Variants in IBTK observed in about 807,000 individuals in gnomAD.
IBTK encodes BTK-binding protein.
Under a neutral mutation model 154.9 loss-of-function variants are expected in IBTK, and 83 were observed. The ratio of observed to expected loss-of-function variants is 0.54; its 90% CI spans 0.45 to 0.64. The LOEUF (loss-of-function observed/expected upper bound fraction) is 0.64. Ranked by LOEUF, IBTK falls within the 30% of genes least tolerant of loss-of-function variation. The pLI is 0.00. For synonymous variants in IBTK, 515 were observed against 536.1 expected (o/e 0.96, Z 0.54); for missense variants, 1,332 against 1,584.6 (o/e 0.84, Z 2.71).
intron 27 of IBTK, 79 bp from the exon 28 acceptor site, chr6:82,172,591 C>T: frequency 2.3e-6 from 3 of 1,298,628 alleles, no homozygotes; most frequent in East Asian, 2.5e-5. Context: ...TACTTTTTAG[C>T]AATGCTACAA....
In IBTK at chr6:82,201,411, A is replaced by C. The variant is rs1562085048; in HGVS notation, c.2790+11T>G. 1.9e-6 allele frequency: 3 copies of C among 1,600,370 alleles called. No homozygotes were observed. The highest frequency in any genetic ancestry group is 2.6e-6 in the Non-Finnish European group (3 of 1,170,662). On this transcript the variant is annotated intron_variant, in intron 19 of 28. Coordinates refer to ENST00000306270, the MANE Select transcript of IBTK (RefSeq NM_015525.4). ...ATTATAGCCGCGAAAATCTTAAAAC[A>C]TAAACCTTACCATTTTCCGGTAAAA...
chr6:82,238,981 G>A (rs763463938), intron 2 of IBTK, among the ~76,000 whole-genome samples: 34 of 150,826 alleles, frequency 2.3e-4, no homozygotes, highest in Middle Eastern at 3.6e-3. Flanking sequence ...TCAAGTGATC[G>A]GCCCACCTCG....
chr6:82,231,256 A>C, intron 4 of IBTK, among the ~76,000 whole-genome samples: 1 of 152,172 alleles, frequency 6.6e-6, no homozygotes, highest in East Asian at 1.9e-4. Context: ...TTGTTACAAA[A>C]AATTGCAAGA....
intron 22 of IBTK, 54 bp downstream of exon 22, chr6:82,196,244 C>A: frequency 7.4e-7 from 1 of 1,352,452 alleles, no homozygotes; most frequent in Non-Finnish European, 9.9e-7. Flanking sequence ...TAAAGATAAA[C>A]CATCTATAAA....
intron 6 of IBTK, among the ~76,000 whole-genome samples, chr6:82,224,466 C>G (rs887401883): frequency 6.6e-5 from 10 of 152,136 alleles, no homozygotes; most frequent in Admixed American, 6.5e-4. Context: ...AGCTATTTTT[C>G]TTTTTCTAAC....
rs780105932 is a variant in IBTK, at chr6:82,231,861, T to G, written c.419-19A>C. The G allele has an allele frequency of 4.3e-6, 6 of 1,386,174 alleles. No homozygotes were observed. In the South Asian group the frequency reaches 8.0e-5, roughly 19 times the overall value. The allele number at this position is 1,386,174 out of a possible 1,614,324, so 85.9% of individuals were successfully genotyped here. On this transcript the variant is annotated intron_variant, in intron 3 of 28. Transcript: ENST00000306270. ...GTAGGATCTAAAATAAAAATTAGTT[T>G]TTATACTTTTTTATATTTTAAAACA...
chr6:82,218,182 T>C, intron 9 of IBTK, 45 bp from the exon 10 acceptor site: 1 of 1,382,252 alleles, frequency 7.2e-7, no homozygotes, highest in Non-Finnish European at 9.6e-7. Context: ...CAAGTAGCAT[T>C]TGAACAACCA....
chr6:82,174,837 T>A, intron 26 of IBTK: 1 of 383,332 alleles, frequency 2.6e-6, no homozygotes, highest in Non-Finnish European at 5.1e-6. Flanking sequence ...AGCAGAGAGA[T>A]AACAAAAATC....
chr6:82,220,787 G>A, intron 8 of IBTK, 74 bp from the exon 9 acceptor site: 1 of 1,189,644 alleles, frequency 8.4e-7, no homozygotes, highest in Non-Finnish European at 1.1e-6. Context: ...AAAGAAGTTA[G>A]TATTCAAACA....
intron 1 of IBTK, 94 bp from the exon 2 acceptor site, chr6:82,240,937 C>T: frequency 2.5e-6 from 1 of 398,362 alleles, no homozygotes; most frequent in Non-Finnish European, 4.4e-6. Flanking sequence ...TATTTAGATG[C>T]CCTTAACCCA....
At chr6:82,195,050 A>C (rs2127804893) in intron 22 of IBTK, among the ~76,000 whole-genome samples, 1 of 152,316 alleles carries the variant, frequency 6.6e-6, no homozygotes, top group East Asian at 1.9e-4. Context: ...AGTACTGTGA[A>C]TAAAATTAAA....
At position 82,247,718 on chromosome 6, in the gene IBTK, G is replaced by T. The variant is rs1031937748; in HGVS notation, c.-514C>A. 7.3e-5 allele frequency: 29 copies of T among 398,194 alleles called. No homozygotes were observed. In the East Asian group the frequency reaches 9.3e-4, roughly 13 times the overall value. 24.7% of individuals were successfully genotyped at this position (398,194 alleles called of 1,614,324 possible). ...TTCGGCAGGCGGCTGCAATACAGCCGCTACTACAGGAATCGGGAACGGGGA... is the reference window on the plus strand; with the variant it reads ...TTCGGCAGGCGGCTGCAATACAGCCTCTACTACAGGAATCGGGAACGGGGA... On this transcript the variant is annotated 5_prime_UTR_variant, in exon 1 of 29. Coordinates refer to ENST00000306270, the MANE Select transcript of IBTK (RefSeq NM_015525.4).
intron 7 of IBTK, among the ~76,000 whole-genome samples, 164 bp from the exon 8 acceptor site, chr6:82,223,784 C>A (rs920375788): frequency 6.6e-6 from 1 of 152,182 alleles, no homozygotes; most frequent in Non-Finnish European, 1.5e-5. Context: ...CATGGTGAAA[C>A]CCCATCTCTA....
intron 17 of IBTK, among the ~76,000 whole-genome samples, chr6:82,203,710 G>C (rs989205158): frequency 6.6e-6 from 1 of 152,170 alleles, no homozygotes. Flanking sequence ...CCAGAGCCAT[G>C]AAAGAACACT....
intron 25 of IBTK, among the ~76,000 whole-genome samples, chr6:82,183,693 G>A (rs1453889262): frequency 6.6e-6 from 1 of 152,128 alleles, no homozygotes; most frequent in African/African-American, 2.4e-5. Flanking sequence ...TAGAAAGTTG[G>A]AAGAAGACAA....
At chr6:82,178,585 G>T (rs1275872997) in intron 26 of IBTK, among the ~76,000 whole-genome samples, 1 of 152,010 alleles carries the variant, frequency 6.6e-6, no homozygotes, top group Non-Finnish European at 1.5e-5. Flanking sequence ...TATGAACACT[G>T]GTAGTAAAAT....
intron 18 of IBTK, among the ~76,000 whole-genome samples, chr6:82,202,314 A>AT (rs1769237772): frequency 6.6e-6 from 1 of 152,194 alleles, no homozygotes; most frequent in Non-Finnish European, 1.5e-5. Flanking sequence ...GTATACATTT[A>AT]TTTCATTTTA....
intron 21 of IBTK, among the ~76,000 whole-genome samples, chr6:82,197,532 G>C (rs1769044527): frequency 6.6e-6 from 1 of 151,926 alleles, no homozygotes; most frequent in African/African-American, 2.4e-5. Context: ...ACCATGCCCG[G>C]CTAATTTTTT....
chr6:82,228,426 G>C (rs771126049), intron 4 of IBTK, among the ~76,000 whole-genome samples: 1 of 152,102 alleles, frequency 6.6e-6, no homozygotes, highest in Admixed American at 6.5e-5. Flanking sequence ...TACCTAAAAA[G>C]TTTAAAAATA....
Sources: allele counts gnomAD v4.1 joint callset (sites outside exome capture counted in the v4.1 genomes callset), GRCh38; gene constraint gnomAD v4.1.1; transcripts MANE v1.5; gene names NCBI Gene and HGNC (gene_info 2026-07-23, HGNC 2026-07-21).